BMS1: variants seen among roughly 807,000 people sequenced by gnomAD.
The protein encoded by BMS1 is ribosome biogenesis protein BMS1 homolog.
Under a neutral mutation model 138.7 loss-of-function variants are expected in BMS1, and 53 were observed. The observed-to-expected ratio is 0.38, with a 90% CI of 0.31 to 0.48. The LOEUF (loss-of-function observed/expected upper bound fraction) is 0.48. Ranked by LOEUF, BMS1 falls within the 20% of genes least tolerant of loss-of-function variation. The pLI is 0.97. For missense variants in BMS1, 1,360 were observed against 1,565.5 expected, an observed-to-expected ratio of 0.87 and a Z score of 2.22; for synonymous variants, 504 against 539.9, an observed-to-expected ratio of 0.93 and a Z score of 0.92.
intron 13 of BMS1, among the ~76,000 whole-genome samples, chr10:42,807,085 C>G (rs918430358): frequency 4.6e-5 from 7 of 151,638 alleles, no homozygotes; most frequent in Non-Finnish European, 1.0e-4. Context: ...CTTCTGTGCT[C>G]TTTTATCACA....
intron 13 of BMS1, among the ~76,000 whole-genome samples, chr10:42,802,863 T>G (rs1302955275): frequency 6.6e-6 from 1 of 152,038 alleles, no homozygotes; most frequent in Non-Finnish European, 1.5e-5. Context: ...AATATCTAAG[T>G]AGTTTTATAC....
In BMS1 at chr10:42,833,822, A is replaced by G. The variant is rs1235974937; in HGVS notation, c.*2726A>G. 1 of 152,228 alleles carries G rather than the reference A, an allele frequency of 6.6e-6. No homozygotes were observed. The highest frequency in any genetic ancestry group is 6.5e-5 in the Admixed American group (1 of 15,272). The allele number at this position is 152,228 out of a possible 1,614,324, so 9.4% of individuals were successfully genotyped here. A position where few individuals can be genotyped will look rare whatever the true frequency, so the allele number is the denominator to read the frequency against. On this transcript the variant is annotated 3_prime_UTR_variant, in exon 23 of 23. Coordinates refer to ENST00000374518, the MANE Select transcript of BMS1 (RefSeq NM_014753.4). ...TATTAATTTGATATTGTCAGCAAGT[A>G]TGTTGCAAAAACAAATTCCACCAGA...
chr10:42,797,044 C>A lies in BMS1; in HGVS notation c.1800C>A (p.Leu600=). 1 of 1,614,132 alleles carries A rather than the reference C, an allele frequency of 6.2e-7. No individual in the cohort carries two copies. The highest frequency in any genetic ancestry group is 1.3e-5 in the African/African-American group (1 of 75,026). Reference sequence around the variant, plus strand: ...ATGAATCTGAAGAAAGCTCCTCACTCAGTGCAGAGGAAGAAGACTCAGAAA... The same window carrying A: ...ATGAATCTGAAGAAAGCTCCTCACTAAGTGCAGAGGAAGAAGACTCAGAAA... ...SEDESEESSS[L]SAEEEDSENE... is the part of the protein sequence containing the mutation. The change falls in exon 10 of 23, where the codon CTC becomes CTA. Residue 600 remains leucine, a synonymous_variant. Transcript: ENST00000374518.
intron 13 of BMS1, among the ~76,000 whole-genome samples, chr10:42,804,531 A>C (rs1841960483): frequency 6.6e-6 from 1 of 152,154 alleles, no homozygotes; most frequent in Admixed American, 6.5e-5. Context: ...CTTTGATGAA[A>C]TATCTGTCCA....
chr10:42,816,427 C>T (rs1842352058), intron 13 of BMS1, among the ~76,000 whole-genome samples, 172 bp from the exon 14 acceptor site: 1 of 152,194 alleles, frequency 6.6e-6, no homozygotes, highest in Non-Finnish European at 1.5e-5. Context: ...TGATGAAATA[C>T]TAACTGTTTT....
In BMS1 at chr10:42,831,076, G is replaced by A. The variant is rs1363260369; in HGVS notation, c.3829G>A (p.Ala1277Thr). ...AAACCAGAAGTCCAGTTTGAAGGGG[G>A]CTGAGGGCCAATTGCAGTGAGCCTT... ...RRNQKSSLKG[A>T]EGQLQ The change falls in exon 23 of 23, where the codon GCT (alanine) becomes ACT (threonine). Residue 1277 changes from alanine (A) to threonine (T), a missense_variant. Coordinates refer to ENST00000374518, the MANE Select transcript of BMS1 (RefSeq NM_014753.4). 2.6e-6 allele frequency: 4 copies of A among 1,568,268 alleles called. No homozygotes were observed. The South Asian group carries it at 3.5e-5, about 14-fold the overall frequency.
At chr10:42,783,100 C>G (rs1408290591) in intron 1 of BMS1, among the ~76,000 whole-genome samples, 1 of 152,014 alleles carries the variant, frequency 6.6e-6, no homozygotes, top group Non-Finnish European at 1.5e-5. Context: ...AGACTTAGAC[C>G]TGAGCTGGAT....
intron 13 of BMS1, among the ~76,000 whole-genome samples, chr10:42,803,901 C>T (rs1359697455): frequency 1.3e-5 from 2 of 152,248 alleles, no homozygotes; most frequent in African/African-American, 4.8e-5. Context: ...AACTCTCCAT[C>T]TTGTCCTCTT....
At position 42,833,065 on chromosome 10, in the gene BMS1, T is replaced by C. The variant is rs953428981; in HGVS notation, c.*1969T>C. The C allele has an allele frequency of 2.0e-4, 31 of 152,212 alleles. No homozygotes were observed. The highest frequency in any genetic ancestry group is 7.5e-4 in the African/African-American group (31 of 41,448). The allele number at this position is 152,212 out of a possible 1,614,324, so 9.4% of individuals were successfully genotyped here. A position where few individuals can be genotyped will look rare whatever the true frequency, so the allele number is the denominator to read the frequency against. ...ATAAGTATTTATAATTGTATAGTTT[T>C]ATATTTTAGCCAGAAGAGTGGAATC... On this transcript the variant is annotated 3_prime_UTR_variant, in exon 23 of 23. Coordinates refer to ENST00000374518, the MANE Select transcript of BMS1 (RefSeq NM_014753.4).
At chr10:42,819,156 T>A (rs959510230) in intron 15 of BMS1, among the ~76,000 whole-genome samples, 29 of 152,110 alleles carry the variant, frequency 1.9e-4, no homozygotes, top group Non-Finnish European at 3.7e-4. Flanking sequence ...CAAAAGGTTT[T>A]GAGATAAGAG....
chr10:42,819,318 C>T (rs1842436511), intron 15 of BMS1, among the ~76,000 whole-genome samples: 2 of 152,210 alleles, frequency 1.3e-5, no homozygotes, highest in Non-Finnish European at 2.9e-5. Context: ...AGATGCACGT[C>T]AGTGCTTCCC....
In BMS1 at chr10:42,831,043, G is replaced by A. The variant is rs1225079788; in HGVS notation, c.3796G>A (p.Glu1266Lys). ...GCTCTTCAGAATTCAGGGGCAGAAGGAAAGAAGAAACCAGAAGTCCAGTTT... is the reference window on the plus strand; with the variant it reads ...GCTCTTCAGAATTCAGGGGCAGAAGAAAAGAAGAAACCAGAAGTCCAGTTT... ...KKLFRIQGQK[E>K]RRNQKSSLKG... Residue 1266 changes from glutamate (E) to lysine (K), a missense_variant, in exon 23 of 23, where the codon GAA becomes AAA. Coordinates refer to ENST00000374518, the MANE Select transcript of BMS1 (RefSeq NM_014753.4). 6.3e-7 allele frequency: 1 copy of A among 1,586,328 alleles called. No individual in the cohort carries two copies. The highest frequency in any genetic ancestry group is 2.3e-5 in the East Asian group (1 of 43,990).
Position 42,821,695 on chromosome 10 carries a change from G to A in BMS1, c.3010-367G>A, listed in dbSNP as rs183033931. On this transcript the variant is annotated intron_variant, in intron 18 of 22. Coordinates refer to ENST00000374518, the MANE Select transcript of BMS1 (RefSeq NM_014753.4). ...AGCTTCCTGAGTAGCTGGGATTACAGGTGTGCACCATCATGCTGAGCTAAT... is the reference window on the plus strand; with the variant it reads ...AGCTTCCTGAGTAGCTGGGATTACAAGTGTGCACCATCATGCTGAGCTAAT... 2.0e-3 allele frequency among the ~76,000 whole-genome samples: 303 copies of A among 151,992 alleles called. 2 individuals carry two copies. Among genetic ancestry groups the A allele is most frequent in the Non-Finnish European group, 2.1e-3 (145 of 67,972 alleles).
chr10:42,803,007 T>G (rs1564418647), intron 13 of BMS1, among the ~76,000 whole-genome samples: 1 of 151,986 alleles, frequency 6.6e-6, no homozygotes, highest in South Asian at 2.1e-4. Context: ...TGCCACATGG[T>G]TTTTTGGAAG....
chr10:42,793,194 A>C (rs7904220), intron 8 of BMS1, 50 bp downstream of exon 8: 133,689 of 1,501,890 alleles, frequency 0.089, 6,664 homozygotes, highest in African/African-American at 0.14. Context: ...ATTCTTTCTG[A>C]ATCTATTTTT....
intron 3 of BMS1, 46 bp downstream of exon 3, chr10:42,785,718 T>A (rs775067149): frequency 1.3e-6 from 2 of 1,583,108 alleles, no homozygotes; most frequent in Admixed American, 3.5e-5. Context: ...GCTGTTGTCA[T>A]CTGAGGGACA....
chr10:42,790,707 C>T (rs755738752), intron 5 of BMS1, among the ~76,000 whole-genome samples, 196 bp downstream of exon 5: 9 of 151,948 alleles, frequency 5.9e-5, no homozygotes, highest in African/African-American at 9.7e-5. Flanking sequence ...AAAATTAGTC[C>T]GGTGTGGTGG....
chr10:42,799,744 A>C (rs1175783753), intron 12 of BMS1, among the ~76,000 whole-genome samples: 1 of 152,168 alleles, frequency 6.6e-6, no homozygotes, highest in East Asian at 1.9e-4. Context: ...CTCCCTGTAG[A>C]AGGAGGTGTA....
At position 42,793,943 on chromosome 10, in the gene BMS1, T is replaced by C; in HGVS notation, c.1181T>C (p.Leu394Pro). The C allele has an allele frequency of 6.2e-7, 1 of 1,611,956 alleles. No individual in the cohort carries two copies. Among genetic ancestry groups the C allele is most frequent in the Non-Finnish European group, 8.5e-7 (1 of 1,179,812 alleles). The change falls in exon 9 of 23, where the codon CTG becomes CCG. Residue 394 changes from leucine to proline, a missense_variant. By Grantham distance (98) the Leu-to-Pro change is moderately conservative. This residue lies in a region of BMS1 where 697 missense variants were observed against 686.2 expected (regional missense o/e 1.02). Transcript: ENST00000374518. ...AAGATGGCTTCAAGTCGAGTGACGC[T>C]GTTTTCTGATTCCAAGCCACTTGGG... The part of the protein sequence containing the change: ...DAKMASSRVT[L>P]FSDSKPLGSE...
Sources: allele counts gnomAD v4.1 joint callset (sites outside exome capture counted in the v4.1 genomes callset), GRCh38; gene constraint gnomAD v4.1.1; regional missense constraint gnomAD v4.1.1; transcripts MANE v1.5; gene names NCBI Gene and HGNC (gene_info 2026-07-23, HGNC 2026-07-21).